NCKAP5: variants seen among roughly 807,000 people sequenced by gnomAD.
NCKAP5 encodes the protein NCK associated protein 5.
NCKAP5 carries 92 observed loss-of-function variants against 167.0 expected under a neutral mutation model. That is an observed-to-expected ratio of 0.55 (90% CI 0.47 to 0.66). The LOEUF is 0.66. Among genes scored for constraint, NCKAP5 ranks in the 30% least tolerant of loss-of-function variants. The pLI, the probability that NCKAP5 is intolerant of heterozygous loss-of-function variation, is 0.00. For synonymous variants in NCKAP5, 891 were observed against 877.4 expected (o/e 1.02, Z -0.27); for missense variants, 2,378 against 2,315.0 (o/e 1.03, Z -0.56).
intron 11 of NCKAP5, among the ~76,000 whole-genome samples, chr2:132,853,692 C>A (rs1689250249): frequency 6.6e-6 from 1 of 152,104 alleles, no homozygotes; most frequent in Non-Finnish European, 1.5e-5. Flanking sequence ...GTCCCCCTGA[C>A]CAAAGGCACA....
intron 3 of NCKAP5, among the ~76,000 whole-genome samples, chr2:133,504,871 T>C (rs940031853): frequency 6.6e-6 from 1 of 152,028 alleles, no homozygotes. Context: ...TTTCCCCCTA[T>C]CGGAGCAAAG....
intron 8 of NCKAP5, among the ~76,000 whole-genome samples, chr2:132,921,915 T>C (rs550747598): frequency 6.6e-6 from 1 of 152,338 alleles, no homozygotes; most frequent in African/African-American, 2.4e-5. Context: ...CCCATGACTC[T>C]ATCAGAGTCA....
intron 6 of NCKAP5, among the ~76,000 whole-genome samples, chr2:133,059,961 A>G (rs1189679717): frequency 6.6e-6 from 1 of 152,116 alleles, no homozygotes; most frequent in Non-Finnish European, 1.5e-5. Flanking sequence ...GAGGAAAGAG[A>G]AAGTTCCCTC....
At chr2:133,019,325 T>A (rs995029246) in intron 6 of NCKAP5, among the ~76,000 whole-genome samples, 1 of 152,078 alleles carries the variant, frequency 6.6e-6, no homozygotes, top group African/African-American at 2.4e-5. Context: ...ATAGGGTATT[T>A]TGATAAGGGA....
chr2:133,439,187 C>T (rs1343065061), intron 3 of NCKAP5, among the ~76,000 whole-genome samples: 1 of 152,126 alleles, frequency 6.6e-6, no homozygotes, highest in Non-Finnish European at 1.5e-5. Flanking sequence ...TGACAGGAAT[C>T]CAAATTTTCC....
At chr2:133,674,081 C>T in the NCKAP5 span, among the ~76,000 whole-genome samples, 1 of 152,108 alleles carries the variant, frequency 6.6e-6, no homozygotes, top group Non-Finnish European at 1.5e-5. Flanking sequence ...GCACCTGCCT[C>T]CTTAAAATAT....
chr2:133,432,825 C>T (rs1690241661), intron 3 of NCKAP5, among the ~76,000 whole-genome samples: 1 of 152,194 alleles, frequency 6.6e-6, no homozygotes, highest in African/African-American at 2.4e-5. Context: ...TGCATCTGCA[C>T]AATATCCTAT....
At chr2:133,510,151 T>A (rs562052977) in intron 3 of NCKAP5, among the ~76,000 whole-genome samples, 80 of 152,168 alleles carry the variant, frequency 5.3e-4, no homozygotes, top group African/African-American at 1.9e-3. Flanking sequence ...TCTACTCACC[T>A]CCATCAGTCA....
intron 10 of NCKAP5, among the ~76,000 whole-genome samples, chr2:132,863,011 A>C (rs1446781509): frequency 6.6e-6 from 1 of 151,852 alleles, no homozygotes; most frequent in Non-Finnish European, 1.5e-5. Context: ...TAGTAGAGAC[A>C]GGGTTTCACC....
At chr2:132,883,378 C>T (rs777413058) in intron 8 of NCKAP5, among the ~76,000 whole-genome samples, 1 of 152,112 alleles carries the variant, frequency 6.6e-6, no homozygotes, top group Non-Finnish European at 1.5e-5. Flanking sequence ...CAGGCTTCTT[C>T]CACCTTTGCC....
chr2:132,963,617 A>T (rs2076580671), intron 8 of NCKAP5, 103 bp downstream of exon 8: 6 of 1,196,980 alleles, frequency 5.0e-6, no homozygotes, highest in Admixed American at 2.3e-5. Flanking sequence ...AGTCTGGGAG[A>T]ACTCAAAAGG....
chr2:132,800,309 T>A (rs1684925740), intron 11 of NCKAP5, among the ~76,000 whole-genome samples: 1 of 152,330 alleles, frequency 6.6e-6, no homozygotes, highest in East Asian at 1.9e-4. Flanking sequence ...TGAAATACTT[T>A]AAACTTCCTG....
intron 7 of NCKAP5, among the ~76,000 whole-genome samples, chr2:132,980,409 G>T (rs1041911048): frequency 3.9e-5 from 6 of 152,160 alleles, no homozygotes; most frequent in African/African-American, 1.4e-4. Flanking sequence ...CAGCACATTA[G>T]TGTTTTTTTG....
At chr2:133,056,738 C>T (rs1036662491) in intron 6 of NCKAP5, among the ~76,000 whole-genome samples, 1 of 152,188 alleles carries the variant, frequency 6.6e-6, no homozygotes, top group African/African-American at 2.4e-5. Flanking sequence ...TATGGGAGTG[C>T]ACATTTGATA....
At chr2:132,896,330 G>A (rs899586480) in intron 8 of NCKAP5, among the ~76,000 whole-genome samples, 1 of 152,204 alleles carries the variant, frequency 6.6e-6, no homozygotes, top group African/African-American at 2.4e-5. Flanking sequence ...TAGAGAACTG[G>A]CAAGCAGCAA....
chr2:133,441,710 A>G (rs1216881211), intron 3 of NCKAP5, among the ~76,000 whole-genome samples: 1 of 152,226 alleles, frequency 6.6e-6, no homozygotes, highest in African/African-American at 2.4e-5. Context: ...GACCTCCTCT[A>G]GCAACCACCA....
intron 5 of NCKAP5, among the ~76,000 whole-genome samples, chr2:133,210,991 C>T (rs6750257): frequency 0.4 from 59,315 of 146,584 alleles, 13,675 homozygotes; most frequent in Non-Finnish European, 0.51. Flanking sequence ...TCCCCCAACC[C>T]TCCCTACCCC....
At chr2:133,312,005 T>C (rs1236735150) in intron 3 of NCKAP5, among the ~76,000 whole-genome samples, 3 of 152,226 alleles carry the variant, frequency 2.0e-5, no homozygotes, top group African/African-American at 7.2e-5. Flanking sequence ...TTTAGGTACA[T>C]TGCTCATCTA....
At chr2:132,907,377 A>G (rs557983874) in intron 8 of NCKAP5, among the ~76,000 whole-genome samples, 4 of 152,236 alleles carry the variant, frequency 2.6e-5, no homozygotes, top group African/African-American at 4.8e-5. Context: ...CGCGGGTAGC[A>G]AAGTCTTCAG....
Sources: allele counts gnomAD v4.1 joint callset (sites outside exome capture counted in the v4.1 genomes callset), GRCh38; gene constraint gnomAD v4.1.1; transcripts MANE v1.5; gene names NCBI Gene and HGNC (gene_info 2026-07-23, HGNC 2026-07-21).